The following MCC variants were observed in gnomAD, a reference collection of about 807,000 sequenced individuals.
The protein encoded by MCC is MCC regulator of Wnt signaling pathway.
MCC carries 90 observed loss-of-function variants against 116.2 expected under a neutral mutation model. The observed-to-expected ratio is 0.77, with a 90% CI of 0.65 to 0.92. MCC has a LOEUF of 0.92. Among genes scored for constraint, MCC ranks in the 40% least tolerant of loss-of-function variants. The probability of loss-of-function intolerance (pLI) is 0.00; values close to 1 mark genes in which losing one functional copy is unlikely to be tolerated. For synonymous variants in MCC, 578 were observed against 510.5 expected (o/e 1.13, Z -1.78); for missense variants, 1,516 against 1,312.2 (o/e 1.16, Z -2.40).
intron 3 of MCC, among the ~76,000 whole-genome samples, chr5:113,226,734 T>C: frequency 6.6e-6 from 1 of 152,320 alleles, no homozygotes; most frequent in Admixed American, 6.5e-5. Context: ...TATTTATCTC[T>C]AGGATACAAA....
At chr5:113,141,819 G>T (rs1166657993) in intron 5 of MCC, among the ~76,000 whole-genome samples, 1 of 152,152 alleles carries the variant, frequency 6.6e-6, no homozygotes, top group Non-Finnish European at 1.5e-5. Flanking sequence ...GAGATTTCTA[G>T]GTGATGTGTA....
chr5:113,102,557 G>A (rs899480079), intron 7 of MCC, among the ~76,000 whole-genome samples: 2 of 152,188 alleles, frequency 1.3e-5, no homozygotes, highest in Non-Finnish European at 2.9e-5. Flanking sequence ...AGATTTCTAA[G>A]ACAGCAGGGA....
intron 3 of MCC, among the ~76,000 whole-genome samples, chr5:113,156,092 T>C (rs1407471646): frequency 2.0e-5 from 3 of 152,180 alleles, no homozygotes; most frequent in Non-Finnish European, 4.4e-5. Context: ...AGCAGAAAGG[T>C]GCCTCAGTCC....
rs746391886 is a variant in MCC, at chr5:113,143,214, G to A, written c.884+4C>T. On this transcript the variant is annotated splice_donor_region_variant and intron_variant, in intron 5 of 18. Coordinates refer to ENST00000408903, the MANE Select transcript of MCC (RefSeq NM_001085377.2). ...CAGAGTAAAAGCCGAATGGAGCCGC[G>A]TACCTGATGGTGGTGCCTTGCAGAC... is the stretch of plus-strand genomic sequence containing the variant. 8 of 1,596,220 alleles carry A rather than the reference G, an allele frequency of 5.0e-6. No individual in the cohort carries two copies. The highest frequency in any genetic ancestry group is 3.4e-5 in the South Asian group (3 of 88,744).
chr5:113,121,137 C>T (rs751408422), intron 6 of MCC, among the ~76,000 whole-genome samples: 2 of 152,226 alleles, frequency 1.3e-5, no homozygotes, highest in Admixed American at 6.5e-5. Context: ...TATTAAATCT[C>T]AGCTGCCACC....
intron 12 of MCC, among the ~76,000 whole-genome samples, chr5:113,068,946 G>C (rs970722863): frequency 6.6e-6 from 1 of 152,200 alleles, no homozygotes; most frequent in African/African-American, 2.4e-5. Context: ...TAAGTGATTA[G>C]TCATACAACA....
intron 8 of MCC, among the ~76,000 whole-genome samples, chr5:113,091,037 G>C (rs1257747380): frequency 6.6e-6 from 1 of 152,198 alleles, no homozygotes; most frequent in East Asian, 1.9e-4. Flanking sequence ...CTAGCTGCTT[G>C]AGCTGATCCC....
chr5:113,432,813 G>A (rs574338370), intron 1 of MCC: 1 of 152,238 alleles, frequency 6.6e-6, no homozygotes, highest in East Asian at 1.9e-4. Context: ...GGGGGTGCTG[G>A]GGAGTAAATT....
chr5:113,074,733 T>G (rs888800937), intron 11 of MCC, among the ~76,000 whole-genome samples: 1 of 152,198 alleles, frequency 6.6e-6, no homozygotes, highest in Admixed American at 6.5e-5. Context: ...AAGAACTACA[T>G]GATGCATGCA....
At chr5:113,064,568 G>A (rs1313900372) in intron 13 of MCC, among the ~76,000 whole-genome samples, 3 of 152,246 alleles carry the variant, frequency 2.0e-5, no homozygotes, top group Non-Finnish European at 4.4e-5. Flanking sequence ...GAGGGAGGGA[G>A]AAACTAGGGC....
chr5:113,301,380 G>C (rs944529610), intron 3 of MCC, among the ~76,000 whole-genome samples: 1 of 151,886 alleles, frequency 6.6e-6, no homozygotes, highest in Non-Finnish European at 1.5e-5. Flanking sequence ...GAGGAGAATC[G>C]CTTGAACACA....
At chr5:113,028,882 C>G in intron 18 of MCC, 52 bp downstream of exon 18, 2 of 1,595,512 alleles carry the variant, frequency 1.3e-6, no homozygotes, top group Non-Finnish European at 1.7e-6. Context: ...GGGTGTCAGT[C>G]CAAGTACCAC....
At chr5:113,219,171 T>C (rs1357404640) in intron 3 of MCC, among the ~76,000 whole-genome samples, 1 of 152,234 alleles carries the variant, frequency 6.6e-6, no homozygotes, top group Non-Finnish European at 1.5e-5. Context: ...GTTCGCTGCT[T>C]TTCCTTTTGG....
intron 2 of MCC, among the ~76,000 whole-genome samples, chr5:113,381,698 G>A (rs541701276): frequency 7.2e-5 from 11 of 152,238 alleles, no homozygotes; most frequent in South Asian, 2.1e-4. Flanking sequence ...TGAGACAGGA[G>A]GATCACTTGA....
intron 3 of MCC, among the ~76,000 whole-genome samples, chr5:113,244,189 C>T (rs907196546): frequency 1.3e-5 from 2 of 152,262 alleles, no homozygotes; most frequent in Admixed American, 6.5e-5. Flanking sequence ...TCTCTCACCC[C>T]CAAATAGCAT....
At chr5:113,231,035 A>G (rs1763921769) in intron 3 of MCC, among the ~76,000 whole-genome samples, 1 of 152,168 alleles carries the variant, frequency 6.6e-6, no homozygotes, top group African/African-American at 2.4e-5. Flanking sequence ...CAAAAATTTT[A>G]AAGACTTCAT....
intron 3 of MCC, among the ~76,000 whole-genome samples, chr5:113,220,644 T>C (rs1763516311): frequency 6.6e-6 from 1 of 152,248 alleles, no homozygotes. Flanking sequence ...AGAAATATAA[T>C]GGATTTTTCT....
At chr5:113,052,851 G>A (rs886347353) in intron 15 of MCC, among the ~76,000 whole-genome samples, 3 of 152,130 alleles carry the variant, frequency 2.0e-5, no homozygotes, top group African/African-American at 7.2e-5. Flanking sequence ...CTGGTGACCA[G>A]CCCACATTCT....
At chr5:113,044,889 TA>T (rs1751969002) in intron 16 of MCC, among the ~76,000 whole-genome samples, 1 of 152,200 alleles carries the variant, frequency 6.6e-6, no homozygotes, top group Non-Finnish European at 1.5e-5. Context: ...CAGAAAATTT[TA>T]TAAGATATGA....
Sources: gnomAD v4.1 joint callset for allele counts (sites outside exome capture counted in the v4.1 genomes callset) on GRCh38, gnomAD v4.1.1 for gene constraint, MANE v1.5 for transcripts, NCBI Gene and HGNC (gene_info 2026-07-23, HGNC 2026-07-21) for gene names.